GRM5: variants seen among roughly 807,000 people sequenced by gnomAD.
GRM5 encodes glutamate metabotropic receptor 5, also known as metabotropic glutamate receptor 5.
In GRM5, 19 loss-of-function variants were observed where a neutral mutation model predicts 83.1. The ratio of observed to expected loss-of-function variants is 0.23; its 90% CI spans 0.16 to 0.34. The LOEUF is 0.34. Ranked by LOEUF, GRM5 falls within the 10% of genes least tolerant of loss-of-function variation. GRM5 has a pLI of 1.00. For missense variants in GRM5, 1,160 were observed against 1,588.3 expected (o/e 0.73, Z 4.58); for synonymous variants, 675 against 633.6 (o/e 1.07, Z -0.98).
chr11:89,000,961 T>C (rs1018754623), intron 2 of GRM5, among the ~76,000 whole-genome samples: 1 of 139,650 alleles, frequency 7.2e-6, no homozygotes, highest in African/African-American at 2.5e-5. Context: ...TCCAACATTA[T>C]TGGCCACCAG....
chr11:88,583,952 T>C (rs1943262368), intron 7 of GRM5, among the ~76,000 whole-genome samples: 1 of 152,204 alleles, frequency 6.6e-6, no homozygotes, highest in Non-Finnish European at 1.5e-5. Flanking sequence ...TCACATTACA[T>C]TATCCTTACC....
rs530654173 is a variant in GRM5 at position 89,053,828 on chromosome 11, ATC to A, written c.-200-5758_-200-5757del. Among the ~76,000 whole-genome samples the A allele has an allele frequency of 2.8e-4, 43 of 152,362 alleles. No homozygotes were observed. In the South Asian group the frequency reaches 8.5e-3, roughly 30 times the overall value. On this transcript the variant is annotated intron_variant, in intron 1 of 9. Transcript: ENST00000305447. ...AGAATTAAAGGAATGAGTCATGCAG[ATC>A]TCTAGAGAAACAACATTCCAGGTAA...
chr11:88,702,456 C>G (rs1299543754), intron 3 of GRM5, among the ~76,000 whole-genome samples: 1 of 151,974 alleles, frequency 6.6e-6, no homozygotes, highest in Non-Finnish European at 1.5e-5. Context: ...CCAATAAAAC[C>G]CCTATATTTG....
At chr11:89,036,815 T>C (rs571786520) in intron 2 of GRM5, among the ~76,000 whole-genome samples, 4 of 152,262 alleles carry the variant, frequency 2.6e-5, no homozygotes, top group Non-Finnish European at 5.9e-5. Flanking sequence ...AAACTGTGAA[T>C]TTAAGTTATT....
intron 2 of GRM5, among the ~76,000 whole-genome samples, chr11:88,863,966 T>C (rs2135553825): frequency 6.6e-6 from 1 of 151,690 alleles, no homozygotes; most frequent in South Asian, 2.1e-4. Flanking sequence ...ACTCCCTTTT[T>C]ATAAAGATCC....
chr11:88,537,998 A>G (rs1942174307), intron 8 of GRM5, among the ~76,000 whole-genome samples: 3 of 151,826 alleles, frequency 2.0e-5, no homozygotes, highest in Admixed American at 2.0e-4. Flanking sequence ...AATCAGCTGT[A>G]TTGACTTAGT....
At chr11:88,633,382 T>C (rs1939032936) in intron 4 of GRM5, among the ~76,000 whole-genome samples, 1 of 152,212 alleles carries the variant, frequency 6.6e-6, no homozygotes, top group South Asian at 2.1e-4. Context: ...AGTCATTTTT[T>C]CTTCTACTGA....
chr11:88,689,185 C>A (rs1279056475), intron 3 of GRM5, among the ~76,000 whole-genome samples: 2 of 152,110 alleles, frequency 1.3e-5, no homozygotes, highest in Admixed American at 6.6e-5. Flanking sequence ...CTCCTTATTT[C>A]ATTCAACAAA....
At chr11:88,609,025 A>G (rs1668799431) in intron 4 of GRM5, among the ~76,000 whole-genome samples, 1 of 152,092 alleles carries the variant, frequency 6.6e-6, no homozygotes, top group Non-Finnish European at 1.5e-5. Context: ...GCTCAGGGGT[A>G]TATGTGCAGG....
At chr11:88,905,462 C>T (rs1476063414) in intron 2 of GRM5, among the ~76,000 whole-genome samples, 1 of 152,102 alleles carries the variant, frequency 6.6e-6, no homozygotes, top group African/African-American at 2.4e-5. Context: ...TCGTGTCAGC[C>T]TCCCGAGTAG....
At chr11:88,941,530 AGAG>A (rs1231207498) in intron 2 of GRM5, among the ~76,000 whole-genome samples, 1 of 30,176 alleles carries the variant, frequency 3.3e-5, no homozygotes, top group African/African-American at 6.8e-5. Context: ...AGAGGAGGGG[AGAG>A]GAGGAGGAGG....
At chr11:89,064,888 C>CTCTGTGTGTGTGTGTGTGTG (rs1218318990) in intron 1 of GRM5, among the ~76,000 whole-genome samples, 1 of 62,266 alleles carries the variant, frequency 1.6e-5, no homozygotes, top group African/African-American at 6.9e-5. Flanking sequence ...CTCTCTCTCT[C>CTCTGTGTGTGTGTGTGTGTG]TGTGTGTGTG....
intron 8 of GRM5, among the ~76,000 whole-genome samples, chr11:88,554,115 A>C (rs943889836): frequency 6.6e-6 from 1 of 152,176 alleles, no homozygotes; most frequent in Non-Finnish European, 1.5e-5. Flanking sequence ...CTGAGTTAAA[A>C]TCATGGTGTC....
At chr11:88,703,896 T>G (rs894816128) in intron 3 of GRM5, among the ~76,000 whole-genome samples, 1 of 152,220 alleles carries the variant, frequency 6.6e-6, no homozygotes, top group Non-Finnish European at 1.5e-5. Flanking sequence ...ATACCTATCT[T>G]AGTCAGTTTG....
At chr11:88,699,084 C>T (rs1431504196) in intron 3 of GRM5, among the ~76,000 whole-genome samples, 1 of 117,854 alleles carries the variant, frequency 8.5e-6, no homozygotes, top group Non-Finnish European at 1.8e-5. Context: ...GTCTCCCATT[C>T]CGACAAAACA....
intron 2 of GRM5, among the ~76,000 whole-genome samples, chr11:88,923,823 T>C (rs1449470486): frequency 7.0e-6 from 1 of 143,096 alleles, no homozygotes; most frequent in East Asian, 2.0e-4. Flanking sequence ...CATGAATATA[T>C]ATATTCGTAT....
At chr11:88,683,064 C>T (rs1940534308) in intron 3 of GRM5, among the ~76,000 whole-genome samples, 1 of 152,110 alleles carries the variant, frequency 6.6e-6, no homozygotes, top group African/African-American at 2.4e-5. Flanking sequence ...TACTTCCCTC[C>T]CAGCTTATAT....
intron 3 of GRM5, among the ~76,000 whole-genome samples, chr11:88,804,109 CT>C (rs1195514636): frequency 2.8e-4 from 42 of 152,106 alleles, no homozygotes; most frequent in African/African-American, 9.9e-4. Flanking sequence ...TAGTTCAACC[CT>C]TGTGGAAGTC....
At chr11:88,568,899 G>A (rs1942927413) in intron 7 of GRM5, among the ~76,000 whole-genome samples, 1 of 152,160 alleles carries the variant, frequency 6.6e-6, no homozygotes, top group South Asian at 2.1e-4. Context: ...TGGCAGGCAA[G>A]GGAAGTGCAC....
Sources: gnomAD v4.1 joint callset for allele counts (sites outside exome capture counted in the v4.1 genomes callset) on GRCh38, gnomAD v4.1.1 for gene constraint, MANE v1.5 for transcripts, NCBI Gene and HGNC (gene_info 2026-07-23, HGNC 2026-07-21) for gene names.